KCNG1: variants seen among roughly 807,000 people sequenced by gnomAD.
The protein encoded by KCNG1 is potassium voltage-gated channel modifier subfamily G member 1.
Under a neutral mutation model 32.4 loss-of-function variants are expected in KCNG1, and 17 were observed. The ratio of observed to expected loss-of-function variants is 0.52; its 90% CI spans 0.36 to 0.79. KCNG1 has a LOEUF of 0.79. Ranked by LOEUF, KCNG1 falls within the 30% of genes least tolerant of loss-of-function variation. KCNG1 has a pLI of 0.00. For missense variants in KCNG1, 441 were observed against 735.2 expected, an observed-to-expected ratio of 0.60 and a Z score of 4.63; for synonymous variants, 358 against 339.9, an observed-to-expected ratio of 1.05 and a Z score of -0.59.
chr20:51,007,895 CTG>C (rs1987897609), intron 2 of KCNG1: 1 of 151,316 alleles, frequency 6.6e-6, no homozygotes, highest in Admixed American at 6.6e-5. Context: ...CAGTAAGCCT[CTG>C]TGGATTATTA....
rs376194940 is a variant in KCNG1, at chr20:51,011,337, CT to C, written c.-26-974del. ...TACTTAACATTTTATTTTAAATTAA[CT>C]TTTTTTTTTTTGGTATTTATTTGGC... On this transcript the variant is annotated intron_variant, in intron 1 of 2. Transcript: ENST00000371571. Among the ~76,000 whole-genome samples the C allele has an allele frequency of 3.7e-3, 543 of 146,612 alleles. 2 individuals are homozygous for C. Among genetic ancestry groups the C allele is most frequent in the Middle Eastern group, 0.014 (4 of 278 alleles).
At chr20:51,016,595 T>C (rs1444746735) in intron 1 of KCNG1, among the ~76,000 whole-genome samples, 1 of 152,190 alleles carries the variant, frequency 6.6e-6, no homozygotes, top group Non-Finnish European at 1.5e-5. Flanking sequence ...TCTGTGACTT[T>C]AGGCAAGTTG....
chr20:51,022,661 G>T (rs1568808318), intron 1 of KCNG1: 1 of 152,216 alleles, frequency 6.6e-6, no homozygotes, highest in African/African-American at 2.4e-5. Context: ...CACCTTGGCC[G>T]TAACAAGCGC....
Position 51,005,051 on chromosome 20 carries a change from A to C in KCNG1, c.775-245T>G. 2.6e-6 allele frequency: 1 copy of C among 391,582 alleles called. No individual in the cohort carries two copies. Among genetic ancestry groups the C allele is most frequent in the Non-Finnish European group, 4.5e-6 (1 of 221,622 alleles). The allele number at this position is 391,582 out of a possible 1,614,324, so 24.3% of individuals were successfully genotyped here. A position where few individuals can be genotyped will look rare whatever the true frequency, so the allele number is the denominator to read the frequency against. The stretch of plus-strand genomic sequence containing the variant: ...CTCAGCCCTGAACTCCAGACCCCCA[A>C]CAGGCTGCCTCCCTGACGCTCCCAC... On this transcript the variant is annotated intron_variant, in intron 2 of 2. Coordinates refer to ENST00000371571, the MANE Select transcript of KCNG1 (RefSeq NM_002237.4). This position sits in a 1 kb window ranked among gnomAD's most constrained non-coding sequence, Gnocchi z 4.0.
intron 1 of KCNG1, among the ~76,000 whole-genome samples, chr20:51,013,021 C>T (rs750232400): frequency 2.9e-4 from 44 of 152,196 alleles, no homozygotes; most frequent in Admixed American, 2.2e-3. Flanking sequence ...CACCAGCCCT[C>T]GACCGGGTGC....
At chr20:51,017,488 A>G (rs1256345540) in intron 1 of KCNG1, among the ~76,000 whole-genome samples, 1 of 152,256 alleles carries the variant, frequency 6.6e-6, no homozygotes, top group African/African-American at 2.4e-5. Context: ...AAGATGAGAC[A>G]GCCTGGCACA....
Position 51,005,683 on chromosome 20 carries a change from A to T in KCNG1, c.775-877T>A, listed in dbSNP as rs1197500811. ...CATATTTTTGTTGGGTTTGGCATGC[A>T]GGCTGCCAGCTTGCCTCTCTGGTCT... On this transcript the variant is annotated intron_variant, in intron 2 of 2. Transcript: ENST00000371571. The surrounding 1 kb of genome is among the most constrained non-coding windows in gnomAD (Gnocchi z 4.0). 1 of 152,256 alleles carries T rather than the reference A, an allele frequency of 6.6e-6. No homozygotes were observed. 9.4% of individuals were successfully genotyped at this position (152,256 alleles called of 1,614,324 possible). A position where few individuals can be genotyped will look rare whatever the true frequency, so the allele number is the denominator to read the frequency against.
At chr20:51,021,254 C>T (rs1453884877) in intron 1 of KCNG1, among the ~76,000 whole-genome samples, 1 of 152,224 alleles carries the variant, frequency 6.6e-6, no homozygotes, top group African/African-American at 2.4e-5. Flanking sequence ...GGAGGGTGAT[C>T]CCCAGGGGCC....
intron 1 of KCNG1, among the ~76,000 whole-genome samples, chr20:51,017,796 T>C (rs6063582): frequency 0.071 from 10,729 of 152,146 alleles, 644 homozygotes; most frequent in African/African-American, 0.16. Flanking sequence ...GGCTTTCACC[T>C]GGACTCCCCT....
intron 1 of KCNG1, among the ~76,000 whole-genome samples, chr20:51,018,373 G>C (rs1988354377): frequency 6.6e-6 from 1 of 152,204 alleles, no homozygotes; most frequent in South Asian, 2.1e-4. Context: ...GGGATGAGCA[G>C]TGTCACTGGG....
intron 1 of KCNG1, among the ~76,000 whole-genome samples, chr20:51,011,777 G>T (rs1568801518): frequency 1.3e-5 from 2 of 152,268 alleles, no homozygotes; most frequent in East Asian, 1.9e-4. Flanking sequence ...CACATAGTAG[G>T]TATTCAGTAA....
At chr20:51,020,774 G>C (rs1485665414) in intron 1 of KCNG1, among the ~76,000 whole-genome samples, 2 of 152,164 alleles carry the variant, frequency 1.3e-5, no homozygotes, top group Non-Finnish European at 2.9e-5. Flanking sequence ...GGCTCCAGGA[G>C]GTGAGTTCCT....
intron 1 of KCNG1, among the ~76,000 whole-genome samples, chr20:51,021,231 C>A (rs572492739): frequency 3.3e-5 from 5 of 152,208 alleles, no homozygotes; most frequent in Non-Finnish European, 7.3e-5. Flanking sequence ...GGGCTGGCTT[C>A]GAGAATGACT....
chr20:51,010,844 G>A (rs544541413), intron 1 of KCNG1, among the ~76,000 whole-genome samples: 36 of 151,842 alleles, frequency 2.4e-4, no homozygotes, highest in African/African-American at 7.5e-4. Flanking sequence ...GCAGTGAGCC[G>A]AGATCATGCC....
chr20:51,021,397 G>A (rs1988476573), intron 1 of KCNG1, among the ~76,000 whole-genome samples: 1 of 152,184 alleles, frequency 6.6e-6, no homozygotes, highest in African/African-American at 2.4e-5. Flanking sequence ...CCCAAAGAAG[G>A]ACAGCATGCC....
At chr20:51,018,656 G>A (rs147606709) in intron 1 of KCNG1, among the ~76,000 whole-genome samples, 2 of 152,312 alleles carry the variant, frequency 1.3e-5, no homozygotes, top group Non-Finnish European at 2.9e-5. Context: ...GCTGTGCTAG[G>A]AGCCTTCATT....
intron 1 of KCNG1, among the ~76,000 whole-genome samples, chr20:51,017,296 G>A (rs527463865): frequency 1.3e-5 from 2 of 152,300 alleles, no homozygotes; most frequent in Non-Finnish European, 2.9e-5. Flanking sequence ...ACAGTGTGCC[G>A]AGTGGAAAAA....
intron 1 of KCNG1, among the ~76,000 whole-genome samples, chr20:51,011,368 A>G (rs1232014033): frequency 6.6e-6 from 1 of 151,688 alleles, no homozygotes; most frequent in Non-Finnish European, 1.5e-5. Flanking sequence ...TTTGGCTTGG[A>G]AAAACAATTT....
At chr20:51,020,222 G>A (rs537416915) in intron 1 of KCNG1, among the ~76,000 whole-genome samples, 1 of 152,342 alleles carries the variant, frequency 6.6e-6, no homozygotes, top group South Asian at 2.1e-4. Context: ...CTTCTACGGG[G>A]AGGTGTTTGG....
Sources: allele counts gnomAD v4.1 joint callset (sites outside exome capture counted in the v4.1 genomes callset), GRCh38; gene constraint gnomAD v4.1.1; non-coding constraint Gnocchi (gnomAD v3.1); transcripts MANE v1.5; gene names NCBI Gene and HGNC (gene_info 2026-07-23, HGNC 2026-07-21).